The following PTPRT variants were observed in gnomAD, a reference collection of about 807,000 sequenced individuals.
The protein encoded by PTPRT is receptor-type tyrosine-protein phosphatase T.
A neutral mutation model predicts 176.8 loss-of-function variants in PTPRT; 56 were observed. The ratio of observed to expected loss-of-function variants is 0.32; its 90% CI spans 0.26 to 0.40. The LOEUF is 0.40. Among genes scored for constraint, PTPRT ranks in the 10% least tolerant of loss-of-function variants. The probability of loss-of-function intolerance (pLI) is 1.00; values close to 1 mark genes in which losing one functional copy is unlikely to be tolerated. For synonymous variants in PTPRT, 783 were observed against 739.0 expected (o/e 1.06, Z -0.96); for missense variants, 1,540 against 1,908.2 (o/e 0.81, Z 3.60).
chr20:42,983,122 A>G (rs1983374062), intron 1 of PTPRT, among the ~76,000 whole-genome samples: 1 of 151,980 alleles, frequency 6.6e-6, no homozygotes, highest in Non-Finnish European at 1.5e-5. Flanking sequence ...TGCTCTTGTT[A>G]TTTCAAGCTC....
intron 1 of PTPRT, among the ~76,000 whole-genome samples, chr20:42,990,686 G>A (rs1158130685): frequency 6.6e-6 from 1 of 152,160 alleles, no homozygotes; most frequent in Non-Finnish European, 1.5e-5. Flanking sequence ...CAAACTCACT[G>A]TAAAATGAGA....
intron 7 of PTPRT, among the ~76,000 whole-genome samples, chr20:42,610,378 T>TG (rs2073953925): frequency 7.3e-6 from 1 of 136,614 alleles, no homozygotes; most frequent in Non-Finnish European, 1.5e-5. Flanking sequence ...TTACTTGTTT[T>TG]GTTTTTTTTT....
chr20:42,780,037 G>A (rs1025845700), intron 4 of PTPRT, among the ~76,000 whole-genome samples, 181 bp downstream of exon 4: 2 of 152,130 alleles, frequency 1.3e-5, no homozygotes, highest in African/African-American at 2.4e-5. Context: ...TGAACAGGCC[G>A]GCAAAATTAT....
chr20:42,824,638 C>T (rs535110968), intron 2 of PTPRT, among the ~76,000 whole-genome samples: 2 of 151,810 alleles, frequency 1.3e-5, no homozygotes, highest in African/African-American at 4.8e-5. Context: ...TTAATTAATT[C>T]ATAACTATAA....
At chr20:43,135,117 G>T (rs1600737567) in intron 1 of PTPRT, among the ~76,000 whole-genome samples, 1 of 152,198 alleles carries the variant, frequency 6.6e-6, no homozygotes, top group African/African-American at 2.4e-5. Context: ...CAAGTGAAGG[G>T]TTATGTCTGG....
intron 1 of PTPRT, among the ~76,000 whole-genome samples, chr20:42,945,813 T>C (rs992170952): frequency 1.6e-4 from 25 of 152,066 alleles, no homozygotes; most frequent in Non-Finnish European, 2.9e-4. Flanking sequence ...CACACTTCTA[T>C]CTAGTTGCAA....
intron 12 of PTPRT, among the ~76,000 whole-genome samples, chr20:42,302,839 G>A (rs1291122584): frequency 1.3e-5 from 2 of 152,238 alleles, no homozygotes; most frequent in African/African-American, 2.4e-5. Context: ...ATGCAAATGG[G>A]GTGTGGGAGA....
At chr20:42,744,516 T>G (rs984895076) in intron 6 of PTPRT, among the ~76,000 whole-genome samples, 1 of 152,218 alleles carries the variant, frequency 6.6e-6, no homozygotes, top group Non-Finnish European at 1.5e-5. Flanking sequence ...GGCTAGAAAG[T>G]TTTCATTCAA....
intron 12 of PTPRT, among the ~76,000 whole-genome samples, chr20:42,295,633 T>TGA (rs554284179): frequency 0.014 from 2,168 of 150,170 alleles, 34 homozygotes; most frequent in Non-Finnish European, 0.019. Flanking sequence ...AACTAAAAAT[T>TGA]GAGAGAGAGA....
intron 7 of PTPRT, among the ~76,000 whole-genome samples, chr20:42,668,806 C>T (rs1473243191): frequency 4.0e-5 from 6 of 151,274 alleles, no homozygotes; most frequent in Non-Finnish European, 7.4e-5. Flanking sequence ...ATTCTCCTGC[C>T]TCAGCCTCCC....
chr20:42,789,111 C>G (rs948346672), intron 3 of PTPRT, among the ~76,000 whole-genome samples: 2 of 152,116 alleles, frequency 1.3e-5, no homozygotes, highest in Non-Finnish European at 2.9e-5. Context: ...AAATACAGAT[C>G]ATTATTACTA....
At chr20:42,336,289 A>AGCAT (rs113782042) in intron 11 of PTPRT, among the ~76,000 whole-genome samples, 17 of 152,334 alleles carry the variant, frequency 1.1e-4, no homozygotes, top group African/African-American at 3.8e-4. Flanking sequence ...CAGACAAGTT[A>AGCAT]CCATCTATCA....
At chr20:42,965,981 A>G (rs929189531) in intron 1 of PTPRT, among the ~76,000 whole-genome samples, 14 of 152,354 alleles carry the variant, frequency 9.2e-5, no homozygotes, top group African/African-American at 3.4e-4. Context: ...TGTGTCACTA[A>G]ACACCGGAGA....
At chr20:42,518,722 C>T (rs2072115155) in intron 7 of PTPRT, among the ~76,000 whole-genome samples, 1 of 151,632 alleles carries the variant, frequency 6.6e-6, no homozygotes, top group African/African-American at 2.4e-5. Context: ...AATTTTTGTT[C>T]TTATGTTAAT....
chr20:42,859,738 C>T (rs1323232866), intron 2 of PTPRT, among the ~76,000 whole-genome samples: 1 of 151,512 alleles, frequency 6.6e-6, no homozygotes, highest in African/African-American at 2.4e-5. Context: ...CACCTGGCAC[C>T]ATGGCCGGCT....
At chr20:42,612,161 T>A (rs1035852313) in intron 7 of PTPRT, among the ~76,000 whole-genome samples, 4 of 152,048 alleles carry the variant, frequency 2.6e-5, no homozygotes, top group African/African-American at 9.7e-5. Context: ...GTGTCAGGTG[T>A]GTTGTATTTA....
At chr20:42,147,444 CAG>C (rs1988920311) in intron 17 of PTPRT, among the ~76,000 whole-genome samples, 3 of 152,176 alleles carry the variant, frequency 2.0e-5, no homozygotes. Flanking sequence ...ACAGACTCAC[CAG>C]AGTTTTTTCT....
intron 19 of PTPRT, among the ~76,000 whole-genome samples, chr20:42,121,555 C>G (rs141387594): frequency 6.6e-6 from 1 of 152,086 alleles, no homozygotes; most frequent in East Asian, 1.9e-4. Context: ...TGGGTTTGAA[C>G]GCTGGCTCTG....
intron 1 of PTPRT, among the ~76,000 whole-genome samples, chr20:43,048,873 T>G (rs1244844574): frequency 6.6e-6 from 1 of 152,082 alleles, no homozygotes; most frequent in Admixed American, 6.5e-5. Flanking sequence ...TTCCTGCAAG[T>G]GACCCTCACG....
Sources: gnomAD v4.1 joint callset for allele counts (sites outside exome capture counted in the v4.1 genomes callset) on GRCh38, gnomAD v4.1.1 for gene constraint, MANE v1.5 for transcripts, NCBI Gene and HGNC (gene_info 2026-07-23, HGNC 2026-07-21) for gene names.